CDH13: variants seen among roughly 807,000 people sequenced by gnomAD.
CDH13 encodes the protein cadherin-13.
Under a neutral mutation model 63.8 loss-of-function variants are expected in CDH13, and 24 were observed. The observed-to-expected ratio is 0.38, with a 90% CI of 0.27 to 0.53. The LOEUF (loss-of-function observed/expected upper bound fraction) is 0.53. CDH13 is among the 20% of genes least tolerant of loss of function. CDH13 has a pLI of 0.85. For missense variants in CDH13, 1,049 were observed against 903.1 expected, an observed-to-expected ratio of 1.16 and a Z score of -2.07; for synonymous variants, 503 against 355.3, an observed-to-expected ratio of 1.42 and a Z score of -4.67.
At position 82,710,821 on chromosome 16, in the gene CDH13, A is replaced by G. The variant is rs529429750; in HGVS notation, c.45+83684A>G. 1.1e-4 allele frequency among the ~76,000 whole-genome samples: 16 copies of G among 150,376 alleles called. 1 individual carries two copies. The South Asian group carries it at 2.9e-3, about 27-fold the overall frequency. ...CTATAAGTATATATGTATGTTTTAC[A>G]TACACAAATACTTTTATACATAAAT... On this transcript the variant is annotated intron_variant, in intron 1 of 13. Coordinates refer to ENST00000567109, the MANE Select transcript of CDH13 (RefSeq NM_001257.5).
At chr16:82,708,889 C>T (rs2031699367) in intron 1 of CDH13, among the ~76,000 whole-genome samples, 1 of 152,164 alleles carries the variant, frequency 6.6e-6, no homozygotes, top group South Asian at 2.1e-4. Context: ...TCTGCTAGGG[C>T]TCTCTTATAA....
chr16:83,081,412 C>G (rs990037818), intron 3 of CDH13, among the ~76,000 whole-genome samples: 13 of 152,032 alleles, frequency 8.6e-5, no homozygotes, highest in African/African-American at 2.9e-4. Flanking sequence ...GGCCATCCAA[C>G]CTAGAACAAG....
intron 2 of CDH13, among the ~76,000 whole-genome samples, chr16:82,929,977 T>C (rs1230121344): frequency 6.6e-6 from 1 of 150,452 alleles, no homozygotes. Context: ...CCATGCCCTC[T>C]CAGTCATATT....
At chr16:82,861,453 A>G (rs1207618031) in intron 2 of CDH13, among the ~76,000 whole-genome samples, 1 of 152,170 alleles carries the variant, frequency 6.6e-6, no homozygotes, top group African/African-American at 2.4e-5. Flanking sequence ...CCCCTACCCT[A>G]GACTTGTGTT....
chr16:82,972,188 C>T (rs559825774), intron 2 of CDH13, among the ~76,000 whole-genome samples: 1 of 152,212 alleles, frequency 6.6e-6, no homozygotes, highest in African/African-American at 2.4e-5. Context: ...ATGTGGGAAA[C>T]AGATCAATAG....
Position 83,374,061 on chromosome 16 carries a change from G to A in CDH13, c.781+29055G>A, listed in dbSNP as rs80221258. On this transcript the variant is annotated intron_variant, in intron 6 of 13. Coordinates refer to ENST00000567109, the MANE Select transcript of CDH13 (RefSeq NM_001257.5). ...GGGAGGCAGTGGAGGGTACTAAGGC[G>A]TGCTAAAGGGTCACACTAATGATGC... Among the ~76,000 whole-genome samples, 586 of 152,314 alleles carry A rather than the reference G, an allele frequency of 3.8e-3. 3 individuals are homozygous for A. Among genetic ancestry groups the A allele is most frequent in the African/African-American group, 0.013 (535 of 41,570 alleles).
At chr16:83,779,743 A>T (rs1915388345) in intron 11 of CDH13, among the ~76,000 whole-genome samples, 1 of 152,154 alleles carries the variant, frequency 6.6e-6, no homozygotes, top group African/African-American at 2.4e-5. Context: ...CTGTGGTCCC[A>T]GCTACTTGGG....
At chr16:83,116,867 G>T (rs767930804) in intron 3 of CDH13, among the ~76,000 whole-genome samples, 1 of 152,196 alleles carries the variant, frequency 6.6e-6, no homozygotes, top group Non-Finnish European at 1.5e-5. Flanking sequence ...CAAATCAAAT[G>T]CTCAGATTTG....
intron 1 of CDH13, among the ~76,000 whole-genome samples, chr16:82,807,812 A>C (rs528206304): frequency 6.6e-6 from 1 of 152,198 alleles, no homozygotes; most frequent in African/African-American, 2.4e-5. Flanking sequence ...TTACAATTAG[A>C]TCCATAAAAA....
rs1305731029 is a variant in CDH13, at chr16:83,209,233, C to G, written c.484-8112C>G. 2.6e-5 allele frequency among the ~76,000 whole-genome samples: 4 copies of G among 152,320 alleles called. No homozygotes were observed. The East Asian group carries it at 7.7e-4, about 29-fold the overall frequency. On this transcript the variant is annotated intron_variant, in intron 4 of 13. Coordinates refer to ENST00000567109, the MANE Select transcript of CDH13 (RefSeq NM_001257.5). ...AGCACCCTTTCCCTAACATCCTTCA[C>G]CTGGCAACTTTCATTCCACCTATGA...
At chr16:83,436,356 ACT>A (rs2072303819) in intron 6 of CDH13, among the ~76,000 whole-genome samples, 1 of 151,808 alleles carries the variant, frequency 6.6e-6, no homozygotes, top group African/African-American at 2.4e-5. Context: ...AAAAAAACGT[ACT>A]CTCTCTAGAG....
intron 8 of CDH13, among the ~76,000 whole-genome samples, chr16:83,667,027 A>ATGGATGGG (rs1914034802): frequency 2.1e-5 from 1 of 47,366 alleles, no homozygotes; most frequent in South Asian, 5.6e-4. Context: ...GGATGGATGG[A>ATGGATGGG]TGGGTGGATG....
chr16:83,086,821 C>G (rs2033625751), intron 3 of CDH13, among the ~76,000 whole-genome samples: 1 of 151,964 alleles, frequency 6.6e-6, no homozygotes, highest in African/African-American at 2.4e-5. Flanking sequence ...AGGAAATTGG[C>G]TAAAAGATCA....
At chr16:83,489,127 G>A (rs2151567409) in intron 7 of CDH13, among the ~76,000 whole-genome samples, 1 of 152,242 alleles carries the variant, frequency 6.6e-6, no homozygotes, top group South Asian at 2.1e-4. Context: ...CTCCGTTTCA[G>A]CTTCTCTTTG....
intron 1 of CDH13, among the ~76,000 whole-genome samples, chr16:82,795,548 C>T (rs1241906986): frequency 6.6e-6 from 1 of 152,170 alleles, no homozygotes; most frequent in East Asian, 1.9e-4. Flanking sequence ...TCAGTCAACC[C>T]TATGAATTAC....
At chr16:82,706,293 GATAA>G (rs1440921922) in intron 1 of CDH13, among the ~76,000 whole-genome samples, 2 of 152,136 alleles carry the variant, frequency 1.3e-5, no homozygotes, top group Non-Finnish European at 2.9e-5. Context: ...TAACACAGGT[GATAA>G]ATAAACAGTT....
At chr16:83,183,005 T>A (rs1004317264) in intron 4 of CDH13, among the ~76,000 whole-genome samples, 1 of 152,056 alleles carries the variant, frequency 6.6e-6, no homozygotes, top group African/African-American at 2.4e-5. Context: ...AAAATAAAAA[T>A]TAAAAAAAAA....
chr16:83,142,017 G>A (rs1470754456), intron 4 of CDH13, among the ~76,000 whole-genome samples: 2 of 152,210 alleles, frequency 1.3e-5, no homozygotes, highest in African/African-American at 4.8e-5. Context: ...AAGTGGGGAT[G>A]TACCAGTACA....
chr16:82,936,750 G>C (rs1310619983), intron 2 of CDH13, among the ~76,000 whole-genome samples: 1 of 152,154 alleles, frequency 6.6e-6, no homozygotes, highest in Non-Finnish European at 1.5e-5. Flanking sequence ...TGTGAGAATA[G>C]GTAGAATCAA....
Sources: gnomAD v4.1 joint callset for allele counts (sites outside exome capture counted in the v4.1 genomes callset) on GRCh38, gnomAD v4.1.1 for gene constraint, MANE v1.5 for transcripts, NCBI Gene and HGNC (gene_info 2026-07-23, HGNC 2026-07-21) for gene names.